The following EXOC2 variants were observed in gnomAD, a reference collection of about 807,000 sequenced individuals.
The protein encoded by EXOC2 is SEC5-like 1.
EXOC2 carries 70 observed loss-of-function variants against 131.8 expected under a neutral mutation model. The ratio of observed to expected loss-of-function variants is 0.53; its 90% CI spans 0.44 to 0.65. The LOEUF (loss-of-function observed/expected upper bound fraction) is 0.65, where lower values mean the gene tolerates loss of function less well. Ranked by LOEUF, EXOC2 falls within the 30% of genes least tolerant of loss-of-function variation. The pLI, the probability that EXOC2 is intolerant of heterozygous loss-of-function variation, is 0.00. For missense variants in EXOC2, 923 were observed against 1,108.6 expected (o/e 0.83, Z 2.38); for synonymous variants, 411 against 398.4 (o/e 1.03, Z -0.38).
At chr6:567,692 A>G (rs1447834621) in intron 13 of EXOC2, among the ~76,000 whole-genome samples, 2 of 152,122 alleles carry the variant, frequency 1.3e-5, no homozygotes, top group African/African-American at 4.8e-5. Context: ...GTGTGTGTGC[A>G]TGCATACATG....
chr6:556,498 G>A lies in EXOC2; in HGVS notation c.1918C>T (p.Pro640Ser). 6.2e-7 allele frequency: 1 copy of A among 1,614,018 alleles called. No homozygotes were observed. Among genetic ancestry groups the A allele is most frequent in the Non-Finnish European group, 8.5e-7 (1 of 1,179,948 alleles). The change falls in exon 18 of 28, where the codon CCG (proline) becomes TCG (serine). Residue 640 changes from proline to serine, a missense_variant. Pro to Ser is a moderately conservative substitution (Grantham distance 74, BLOSUM62 -1). Transcript: ENST00000230449. ...QSLKGVLECK[P>S]GEASVFQQPK... The stretch of plus-strand genomic sequence containing the variant: ...GGAATACTTACACTGGCCTCTCCCG[G>A]CTTGCACTCCAGAACCCCCTTCAGT...
intron 11 of EXOC2, among the ~76,000 whole-genome samples, chr6:582,444 C>G (rs554504644): frequency 6.6e-6 from 1 of 151,864 alleles, no homozygotes; most frequent in East Asian, 1.9e-4. Flanking sequence ...GGCCGACTTC[C>G]TCATGGCCCT....
At chr6:621,944 T>C (rs1036548444) in intron 4 of EXOC2, among the ~76,000 whole-genome samples, 39 of 152,168 alleles carry the variant, frequency 2.6e-4, no homozygotes, top group African/African-American at 8.2e-4. Flanking sequence ...TGGGGGAATA[T>C]AGAGACTGAG....
intron 1 of EXOC2, among the ~76,000 whole-genome samples, chr6:684,401 C>T (rs1764550683): frequency 6.6e-6 from 1 of 152,200 alleles, no homozygotes; most frequent in Non-Finnish European, 1.5e-5. Flanking sequence ...ATCCATTTAA[C>T]ATCAATTAAC....
At chr6:578,020 C>CTA (rs1561880428) in intron 11 of EXOC2, among the ~76,000 whole-genome samples, 1 of 152,194 alleles carries the variant, frequency 6.6e-6, no homozygotes, top group Non-Finnish European at 1.5e-5. Context: ...TCATTAACAG[C>CTA]TAGGTATTGC....
intron 21 of EXOC2, among the ~76,000 whole-genome samples, chr6:551,989 T>A (rs1757167623): frequency 6.6e-6 from 1 of 152,200 alleles, no homozygotes; most frequent in Non-Finnish European, 1.5e-5. Flanking sequence ...TCCCTCGCTT[T>A]CTCTCCGCGC....
intron 23 of EXOC2, among the ~76,000 whole-genome samples, chr6:503,057 CCTGTG>C (rs1280037720): frequency 6.6e-6 from 1 of 152,126 alleles, no homozygotes; most frequent in Non-Finnish European, 1.5e-5. Flanking sequence ...CAGTGCAGTG[CCTGTG>C]CTGGTATTAT....
At chr6:564,305 G>T in intron 15 of EXOC2, 151 bp from the exon 16 acceptor site, 1 of 1,282,066 alleles carries the variant, frequency 7.8e-7, no homozygotes, top group South Asian at 1.5e-5. Flanking sequence ...GGACTGTACT[G>T]TCAGAGTAAT....
At chr6:617,012 TGAA>T (rs1195518946) in intron 6 of EXOC2, among the ~76,000 whole-genome samples, 9 of 152,206 alleles carry the variant, frequency 5.9e-5, no homozygotes, top group East Asian at 3.8e-4. Context: ...CTTCCTGAAT[TGAA>T]GAAGATGTGG....
Position 486,461 on chromosome 6 carries a change from T to G in EXOC2, c.*210A>C, listed in dbSNP as rs1216353615. 1.9e-6 allele frequency: 1 copy of G among 528,846 alleles called. No homozygotes were observed. 32.8% of individuals were successfully genotyped at this position (528,846 alleles called of 1,614,324 possible). ...TTTTAAAGTCATACAGGATCTGATC[T>G]AGTAAGAATGGCAAAACAAATACTT... On this transcript the variant is annotated 3_prime_UTR_variant, in exon 28 of 28. Coordinates refer to ENST00000230449, the MANE Select transcript of EXOC2 (RefSeq NM_018303.6).
chr6:675,421 G>A (rs1020870286), intron 1 of EXOC2, among the ~76,000 whole-genome samples: 2 of 152,190 alleles, frequency 1.3e-5, no homozygotes, highest in Non-Finnish European at 2.9e-5. Flanking sequence ...GTCAGTGATA[G>A]TGCGCAGACA....
intron 23 of EXOC2, among the ~76,000 whole-genome samples, chr6:514,116 G>C (rs761924519): frequency 2.0e-5 from 3 of 152,148 alleles, no homozygotes; most frequent in Non-Finnish European, 4.4e-5. Flanking sequence ...CAGTTTCCTT[G>C]GCTGTAAAAG....
At chr6:626,192 A>G (rs762316980) in intron 4 of EXOC2, among the ~76,000 whole-genome samples, 1 of 152,220 alleles carries the variant, frequency 6.6e-6, no homozygotes, top group African/African-American at 2.4e-5. Context: ...CTGAGCAATT[A>G]GTAACATTTT....
intron 1 of EXOC2, among the ~76,000 whole-genome samples, chr6:662,315 T>A (rs1034226777): frequency 1.3e-5 from 2 of 152,150 alleles, no homozygotes; most frequent in African/African-American, 4.8e-5. Context: ...TTAACAGATA[T>A]ATACAAAACA....
chr6:548,760 C>T (rs558906633), intron 22 of EXOC2, among the ~76,000 whole-genome samples: 26 of 152,274 alleles, frequency 1.7e-4, no homozygotes, highest in Non-Finnish European at 3.5e-4. Flanking sequence ...GGTGTGAATA[C>T]GCAGGAAGAG....
intron 1 of EXOC2, among the ~76,000 whole-genome samples, chr6:645,782 C>T (rs1762554140): frequency 6.6e-6 from 1 of 152,160 alleles, no homozygotes; most frequent in South Asian, 2.1e-4. Flanking sequence ...GCATATCTAA[C>T]TCCCAAATAC....
intron 17 of EXOC2, among the ~76,000 whole-genome samples, chr6:559,852 G>A (rs1278988826): frequency 6.6e-6 from 1 of 152,128 alleles, no homozygotes; most frequent in African/African-American, 2.4e-5. Flanking sequence ...CTGAATTGAT[G>A]GCAGATTTTA....
intron 1 of EXOC2, among the ~76,000 whole-genome samples, chr6:642,066 CCACAT>C (rs1762379591): frequency 6.6e-6 from 1 of 151,920 alleles, no homozygotes; most frequent in African/African-American, 2.4e-5. Flanking sequence ...CTGACATTCC[CCACAT>C]GAGCCCATTC....
intron 23 of EXOC2, among the ~76,000 whole-genome samples, chr6:523,012 T>C (rs1765559881): frequency 6.6e-6 from 1 of 152,110 alleles, no homozygotes; most frequent in Non-Finnish European, 1.5e-5. Flanking sequence ...AAAAATGAAC[T>C]TCGAAAGAAT....
Sources: gnomAD v4.1 joint callset for allele counts (sites outside exome capture counted in the v4.1 genomes callset) on GRCh38, gnomAD v4.1.1 for gene constraint, MANE v1.5 for transcripts, NCBI Gene and HGNC (gene_info 2026-07-23, HGNC 2026-07-21) for gene names.